Variants in CAMK4 observed in about 807,000 individuals in gnomAD.
The protein encoded by CAMK4 is calcium/calmodulin dependent protein kinase IV, also known as calcium/calmodulin-dependent protein kinase type IV.
A neutral mutation model predicts 44.9 loss-of-function variants in CAMK4; 22 were observed. That is an observed-to-expected ratio of 0.49 (90% CI 0.35 to 0.70). The LOEUF (loss-of-function observed/expected upper bound fraction) is 0.70, where lower values mean the gene tolerates loss of function less well. CAMK4 is among the 30% of genes least tolerant of loss of function. The probability of loss-of-function intolerance (pLI) is 0.01; values close to 1 mark genes in which losing one functional copy is unlikely to be tolerated. For synonymous variants in CAMK4, 218 were observed against 215.4 expected (o/e 1.01, Z -0.11); for missense variants, 498 against 586.8 (o/e 0.85, Z 1.56).
At chr5:111,333,835 G>A (rs1410523755) in intron 1 of CAMK4, among the ~76,000 whole-genome samples, 1 of 151,486 alleles carries the variant, frequency 6.6e-6, no homozygotes, top group Non-Finnish European at 1.5e-5. Flanking sequence ...CCAATATAAG[G>A]TCTTGAAAAA....
chr5:111,264,803 G>A (rs1284251722), intron 1 of CAMK4, among the ~76,000 whole-genome samples: 1 of 151,992 alleles, frequency 6.6e-6, no homozygotes, highest in East Asian at 1.9e-4. Flanking sequence ...TGCAGTCTTG[G>A]CCCTTTGGAC....
intron 1 of CAMK4, among the ~76,000 whole-genome samples, chr5:111,238,963 A>G (rs1372790780): frequency 2.0e-5 from 3 of 151,556 alleles, no homozygotes; most frequent in African/African-American, 4.9e-5. Flanking sequence ...CCCACTGTGC[A>G]TCCGTACCTG....
chr5:111,435,347 A>C (rs569855004), intron 5 of CAMK4, among the ~76,000 whole-genome samples: 2 of 152,220 alleles, frequency 1.3e-5, no homozygotes, highest in South Asian at 4.1e-4. Flanking sequence ...TTTCTCCAGT[A>C]CATTCCAAAT....
chr5:111,341,660 G>T (rs1749650636), intron 1 of CAMK4, among the ~76,000 whole-genome samples: 1 of 151,186 alleles, frequency 6.6e-6, no homozygotes, highest in South Asian at 2.1e-4. Context: ...AACAATTACA[G>T]TAAATGCTTA....
intron 5 of CAMK4, among the ~76,000 whole-genome samples, chr5:111,410,967 C>A (rs1283960408): frequency 2.6e-5 from 4 of 152,232 alleles, no homozygotes; most frequent in African/African-American, 4.8e-5. Context: ...AAAGAAGGTA[C>A]CTCCTGGTGC....
intron 7 of CAMK4, among the ~76,000 whole-genome samples, chr5:111,465,026 G>C (rs73789608): frequency 0.011 from 1,740 of 152,142 alleles, 28 homozygotes; most frequent in African/African-American, 0.039. Context: ...TTAGAATATT[G>C]TCCCGTATAT....
At chr5:111,369,663 T>G (rs1750930637) in intron 2 of CAMK4, among the ~76,000 whole-genome samples, 1 of 152,124 alleles carries the variant, frequency 6.6e-6, no homozygotes, top group Non-Finnish European at 1.5e-5. Flanking sequence ...CGGTCATTCC[T>G]CAGTATCCAT....
At chr5:111,376,792 T>A in intron 3 of CAMK4, 68 bp from the exon 4 acceptor site, 1 of 895,244 alleles carries the variant, frequency 1.1e-6, no homozygotes, top group East Asian at 2.5e-5. Flanking sequence ...TTAGCCATAG[T>A]ATTAGCTATT....
intron 1 of CAMK4, among the ~76,000 whole-genome samples, chr5:111,247,881 A>T (rs1481985990): frequency 6.6e-6 from 1 of 152,230 alleles, no homozygotes; most frequent in African/African-American, 2.4e-5. Context: ...GTTAATAATT[A>T]TAAGGCCAAA....
At chr5:111,245,852 C>CGG (rs1749211114) in intron 1 of CAMK4, among the ~76,000 whole-genome samples, 2 of 152,228 alleles carry the variant, frequency 1.3e-5, no homozygotes, top group Non-Finnish European at 2.9e-5. Flanking sequence ...ACAAACCTAT[C>CGG]AGCCACAGGA....
At chr5:111,425,199 G>A (rs539443893) in intron 5 of CAMK4, among the ~76,000 whole-genome samples, 3 of 151,426 alleles carry the variant, frequency 2.0e-5, no homozygotes, top group Non-Finnish European at 2.9e-5. Flanking sequence ...CATCCCTGAC[G>A]TGAGTCAGTA....
chr5:111,360,751 A>G (rs1353571526), intron 2 of CAMK4, among the ~76,000 whole-genome samples: 1 of 152,110 alleles, frequency 6.6e-6, no homozygotes, highest in Non-Finnish European at 1.5e-5. Flanking sequence ...ACTTTTGTTT[A>G]TCTGGTCTTT....
chr5:111,254,593 A>C (rs149911987), intron 1 of CAMK4, among the ~76,000 whole-genome samples: 6 of 152,336 alleles, frequency 3.9e-5, no homozygotes, highest in African/African-American at 1.4e-4. Flanking sequence ...TGAGAAGGAA[A>C]CTGAAGAACC....
At chr5:111,466,776 A>G (rs1001107147) in intron 7 of CAMK4, among the ~76,000 whole-genome samples, 5 of 152,202 alleles carry the variant, frequency 3.3e-5, no homozygotes, top group African/African-American at 1.2e-4. Flanking sequence ...TGTCAAAGCA[A>G]TCTACAAATT....
At chr5:111,250,659 T>A (rs1307852262) in intron 1 of CAMK4, among the ~76,000 whole-genome samples, 2 of 152,170 alleles carry the variant, frequency 1.3e-5, no homozygotes, top group African/African-American at 4.8e-5. Flanking sequence ...TTTCTATTCT[T>A]ACCTAGATCC....
chr5:111,234,804 C>G (rs1003470632), intron 1 of CAMK4, among the ~76,000 whole-genome samples: 1 of 152,164 alleles, frequency 6.6e-6, no homozygotes, highest in Non-Finnish European at 1.5e-5. Context: ...GGAATAGTCT[C>G]TGAAAAAAGA....
chr5:111,488,767 G>C lies in CAMK4; in HGVS notation c.*4301G>C, dbSNP rs563917024. On this transcript the variant is annotated 3_prime_UTR_variant, in exon 11 of 11. Coordinates refer to ENST00000282356, the MANE Select transcript of CAMK4 (RefSeq NM_001744.6). ...AAAAAAAGGTCAACAAAGTGAATCAGCACTAGCATTTTCTTGATGGTTGAC... is the reference window on the plus strand; with the variant it reads ...AAAAAAAGGTCAACAAAGTGAATCACCACTAGCATTTTCTTGATGGTTGAC... The C allele has an allele frequency of 1.3e-5, 2 of 152,284 alleles. No homozygotes were observed. Among genetic ancestry groups the C allele is most frequent in the South Asian group, 2.1e-4 (1 of 4,822 alleles). 9.4% of individuals were successfully genotyped at this position (152,284 alleles called of 1,614,324 possible).
chr5:111,443,263 TATATATATATATATATAC>T (rs1753893004), intron 5 of CAMK4, among the ~76,000 whole-genome samples: 2 of 45,848 alleles, frequency 4.4e-5, no homozygotes, highest in African/African-American at 8.1e-5. Context: ...TATATATATA[TATATATATATATATATAC>T]ACACACACAC....
At chr5:111,381,778 AG>A (rs1751425257) in intron 4 of CAMK4, among the ~76,000 whole-genome samples, 1 of 151,990 alleles carries the variant, frequency 6.6e-6, no homozygotes, top group Admixed American at 6.6e-5. Context: ...TCTTACCTGG[AG>A]GCTTGTCTGA....
Sources: allele counts gnomAD v4.1 joint callset (sites outside exome capture counted in the v4.1 genomes callset), GRCh38; gene constraint gnomAD v4.1.1; transcripts MANE v1.5; gene names NCBI Gene and HGNC (gene_info 2026-07-23, HGNC 2026-07-21).